The following ADAMTS17 variants were observed in gnomAD, a reference collection of about 807,000 sequenced individuals.
ADAMTS17 encodes A disintegrin and metalloproteinase with thrombospondin motifs 17.
ADAMTS17 carries 113 observed loss-of-function variants against 141.5 expected under a neutral mutation model. The ratio of observed to expected loss-of-function variants is 0.80; its 90% CI spans 0.69 to 0.93. The LOEUF is 0.93. ADAMTS17 is among the 40% of genes least tolerant of loss of function. ADAMTS17 has a pLI of 0.00. For synonymous variants in ADAMTS17, 768 were observed against 630.6 expected, an observed-to-expected ratio of 1.22 and a Z score of -3.27; for missense variants, 1,659 against 1,517.9, an observed-to-expected ratio of 1.09 and a Z score of -1.54.
intron 7 of ADAMTS17, among the ~76,000 whole-genome samples, chr15:100,214,250 C>T (rs2041899988): frequency 6.6e-6 from 1 of 152,146 alleles, no homozygotes; most frequent in South Asian, 2.1e-4. Flanking sequence ...GAGAGGAAAA[C>T]TTGTCATCTG....
At chr15:100,153,631 G>A (rs2039294877) in intron 9 of ADAMTS17, among the ~76,000 whole-genome samples, 1 of 152,160 alleles carries the variant, frequency 6.6e-6, no homozygotes, top group Admixed American at 6.5e-5. Flanking sequence ...GTGAGAGAGT[G>A]AGACTCTGAC....
At chr15:100,268,616 T>C (rs943712198) in intron 4 of ADAMTS17, among the ~76,000 whole-genome samples, 2 of 152,304 alleles carry the variant, frequency 1.3e-5, no homozygotes, top group Non-Finnish European at 2.9e-5. Context: ...CAGTTCATGT[T>C]TTTTGCACAC....
chr15:100,257,023 C>G (rs935865302), intron 6 of ADAMTS17: 2 of 152,380 alleles, frequency 1.3e-5, no homozygotes, highest in Non-Finnish European at 2.9e-5. Flanking sequence ...CACCTAGCCA[C>G]CTGTTTGTCA....
chr15:100,226,386 C>A lies in ADAMTS17; in HGVS notation c.1076-26963G>T, dbSNP rs1241012153. Among the ~76,000 whole-genome samples the A allele has an allele frequency of 1.3e-5, 2 of 152,264 alleles. 1 individual carries two copies. The highest frequency in any genetic ancestry group is 2.9e-5 in the Non-Finnish European group (2 of 68,050). On this transcript the variant is annotated intron_variant, in intron 7 of 21. Transcript: ENST00000268070. ...CGGGGGAAAAGGAGGCTTGGCCCTT[C>A]AGGCCTGAAACCCCAAATGTCCAGG...
At chr15:100,303,097 A>G (rs1157703374) in intron 3 of ADAMTS17, among the ~76,000 whole-genome samples, 1 of 147,050 alleles carries the variant, frequency 6.8e-6, no homozygotes, top group Non-Finnish European at 1.5e-5. Flanking sequence ...TTCCCTTTAT[A>G]TATATAAAAT....
At chr15:99,996,133 C>A (rs559732416) in intron 19 of ADAMTS17, among the ~76,000 whole-genome samples, 14 of 151,564 alleles carry the variant, frequency 9.2e-5, no homozygotes, top group African/African-American at 2.4e-4. Flanking sequence ...CGGCTCACTG[C>A]AACCTCTACC....
chr15:100,278,567 A>T, intron 4 of ADAMTS17, among the ~76,000 whole-genome samples: 1 of 152,240 alleles, frequency 6.6e-6, no homozygotes, highest in Middle Eastern at 3.4e-3. Context: ...GCTCGACATG[A>T]GGCCTCTACT....
intron 7 of ADAMTS17, among the ~76,000 whole-genome samples, chr15:100,206,663 G>T (rs1369214442): frequency 6.6e-6 from 1 of 152,126 alleles, no homozygotes; most frequent in East Asian, 1.9e-4. Context: ...GAAGAAGTGT[G>T]GTATGTTTTG....
Position 100,017,604 on chromosome 15 carries a change from G to A in ADAMTS17, c.2592-20015C>T, listed in dbSNP as rs552489526. 2.0e-5 allele frequency among the ~76,000 whole-genome samples: 3 copies of A among 152,336 alleles called. No individual in the cohort carries two copies. In the South Asian group the frequency reaches 6.2e-4, roughly 32 times the overall value. ...AACTAACTCAGCTCCAGGTAAGGAT[G>A]GAAACTTCCCCCGAAAACAGACCTT... is the stretch of plus-strand genomic sequence containing the variant. On this transcript the variant is annotated intron_variant, in intron 18 of 21. Coordinates refer to ENST00000268070, the MANE Select transcript of ADAMTS17 (RefSeq NM_139057.4).
intron 14 of ADAMTS17, among the ~76,000 whole-genome samples, chr15:100,102,277 C>T (rs111625057): frequency 1.7e-4 from 25 of 151,352 alleles, no homozygotes; most frequent in African/African-American, 5.6e-4. Flanking sequence ...ACAGGAAGCC[C>T]GACCGAAGGA....
intron 7 of ADAMTS17, among the ~76,000 whole-genome samples, chr15:100,242,108 C>T (rs567532688): frequency 6.6e-6 from 1 of 152,280 alleles, no homozygotes; most frequent in South Asian, 2.1e-4. Flanking sequence ...TGGGGGACTG[C>T]CTGAAACACG....
At chr15:100,233,067 G>C (rs1254353828) in intron 7 of ADAMTS17, among the ~76,000 whole-genome samples, 1 of 152,156 alleles carries the variant, frequency 6.6e-6, no homozygotes, top group East Asian at 1.9e-4. Flanking sequence ...GGTGGCTCAC[G>C]CCTATAATCC....
chr15:100,137,342 A>C (rs1475476505), intron 10 of ADAMTS17, among the ~76,000 whole-genome samples: 4 of 152,230 alleles, frequency 2.6e-5, no homozygotes, highest in Non-Finnish European at 5.9e-5. Context: ...CAATGTCTTT[A>C]TCTTTTCTAG....
intron 18 of ADAMTS17, among the ~76,000 whole-genome samples, chr15:100,008,457 G>A (rs1347740074): frequency 3.3e-5 from 5 of 152,178 alleles, no homozygotes; most frequent in South Asian, 2.1e-4. Context: ...AGTAGAGCCC[G>A]TGACTCATCA....
intron 20 of ADAMTS17, among the ~76,000 whole-genome samples, chr15:99,985,991 C>G (rs1371659613): frequency 6.6e-6 from 1 of 152,236 alleles, no homozygotes; most frequent in Non-Finnish European, 1.5e-5. Flanking sequence ...ATAGCCAGCT[C>G]CTTGTCTGTC....
At chr15:100,087,146 T>C (rs2035158879) in intron 15 of ADAMTS17, among the ~76,000 whole-genome samples, 1 of 152,058 alleles carries the variant, frequency 6.6e-6, no homozygotes, top group South Asian at 2.1e-4. Context: ...CAATACAAAA[T>C]GATAAAGGGG....
intron 3 of ADAMTS17, among the ~76,000 whole-genome samples, chr15:100,299,848 C>A (rs1567508108): frequency 6.6e-6 from 1 of 152,148 alleles, no homozygotes; most frequent in Non-Finnish European, 1.5e-5. Flanking sequence ...CCCAAAATCA[C>A]CAAGCACACC....
chr15:100,152,841 G>A, intron 9 of ADAMTS17, 79 bp from the exon 10 acceptor site: 1 of 1,468,010 alleles, frequency 6.8e-7, no homozygotes, highest in African/African-American at 1.4e-5. Flanking sequence ...TTTTTTTTGA[G>A]TTTTCAGTCA....
In ADAMTS17 at chr15:99,997,876, T is replaced by C. The variant is rs545798428; in HGVS notation, c.2592-287A>G. Among the ~76,000 whole-genome samples the C allele has an allele frequency of 3.3e-5, 5 of 152,104 alleles. No homozygotes were observed. In the East Asian group the frequency reaches 5.8e-4, roughly 18 times the overall value. On this transcript the variant is annotated intron_variant, in intron 18 of 21. Coordinates refer to ENST00000268070, the MANE Select transcript of ADAMTS17 (RefSeq NM_139057.4). This position sits in a 1 kb window ranked among gnomAD's most constrained non-coding sequence, Gnocchi z 4.7. ...CACGGCCTCCCTGTAGGGAATTACG[T>C]ATCTGCTTGTCGTCATAGGACCTGC...
Sources: gnomAD v4.1 joint callset for allele counts (sites outside exome capture counted in the v4.1 genomes callset) on GRCh38, gnomAD v4.1.1 for gene constraint, Gnocchi (gnomAD v3.1) non-coding constraint, MANE v1.5 for transcripts, NCBI Gene and HGNC (gene_info 2026-07-23, HGNC 2026-07-21) for gene names.